NAA16: variants seen among roughly 807,000 people sequenced by gnomAD.
NAA16 encodes NARG1-like protein.
NAA16 carries 97 observed loss-of-function variants against 110.3 expected under a neutral mutation model. The ratio of observed to expected loss-of-function variants is 0.88; its 90% CI spans 0.75 to 1.04. The LOEUF is 1.04. Ranked by LOEUF, NAA16 falls within the 50% of genes least tolerant of loss-of-function variation. The probability of loss-of-function intolerance (pLI) is 0.00; values close to 1 mark genes in which losing one functional copy is unlikely to be tolerated. For missense variants in NAA16, 1,017 were observed against 1,005.1 expected, an observed-to-expected ratio of 1.01 and a Z score of -0.16; for synonymous variants, 372 against 330.6, an observed-to-expected ratio of 1.13 and a Z score of -1.36.
chr13:41,351,951 G>A (rs1345440559), intron 9 of NAA16, among the ~76,000 whole-genome samples: 1 of 152,182 alleles, frequency 6.6e-6, no homozygotes, highest in African/African-American at 2.4e-5. Flanking sequence ...TAAATGGTAA[G>A]TAAACTTGAG....
At chr13:41,362,547 C>A (rs551510204) in intron 13 of NAA16, 4 of 444,916 alleles carry the variant, frequency 9.0e-6, no homozygotes, top group Non-Finnish European at 7.8e-6. Context: ...GTCAGCCTCT[C>A]TCCAGTTTGT....
chr13:41,372,022 G>A (rs2043329891), intron 15 of NAA16, among the ~76,000 whole-genome samples, 181 bp from the exon 16 acceptor site: 1 of 152,098 alleles, frequency 6.6e-6, no homozygotes, highest in Non-Finnish European at 1.5e-5. Context: ...TTTCTGTTTT[G>A]AAAAGTATTG....
rs530072657 is a variant in NAA16, at chr13:41,337,927, C to T, written c.1014+1171C>T. On this transcript the variant is annotated intron_variant, in intron 9 of 19. Transcript: ENST00000379406. ...AAGAAACAACTGATGATATCTAGTA[C>T]CCAGTTAGAAAAAAACATCATTTAT... is the stretch of plus-strand genomic sequence containing the variant. Among the ~76,000 whole-genome samples the T allele has an allele frequency of 3.4e-5, 3 of 87,286 alleles. No individual in the cohort carries two copies. The East Asian group carries it at 8.3e-4, about 24-fold the overall frequency. 57.3% of individuals were successfully genotyped at this position (87,286 alleles called of 152,430 possible).
chr13:41,357,094 A>G (rs2043006534), intron 10 of NAA16, among the ~76,000 whole-genome samples: 1 of 152,214 alleles, frequency 6.6e-6, no homozygotes, highest in African/African-American at 2.4e-5. Flanking sequence ...GCTGAGGCAG[A>G]AAGATCTCTT....
Position 41,326,724 on chromosome 13 carries a change from A to G in NAA16, c.691+873A>G, listed in dbSNP as rs755286702. On this transcript the variant is annotated intron_variant, in intron 6 of 19. Transcript: ENST00000379406. ...CAGAGCCCTTACTTTTTTCTAAAAA[A>G]TAGACATTTTCAGGACAGTTTTAGG... 2.0e-5 allele frequency among the ~76,000 whole-genome samples: 3 copies of G among 152,134 alleles called. No homozygotes were observed. The East Asian group carries it at 5.8e-4, about 29-fold the overall frequency.
At chr13:41,372,432 C>A in intron 16 of NAA16, 121 bp downstream of exon 16, 16 of 1,354,774 alleles carry the variant, frequency 1.2e-5, no homozygotes, top group Non-Finnish European at 1.5e-5. Context: ...TACAAAGGCT[C>A]TTTTCCTTGG....
chr13:41,340,133 A>G (rs1033215193), intron 9 of NAA16, among the ~76,000 whole-genome samples: 4 of 152,052 alleles, frequency 2.6e-5, no homozygotes, highest in Admixed American at 2.0e-4. Context: ...CTTATTATCC[A>G]TTATATAGGT....
intron 10 of NAA16, among the ~76,000 whole-genome samples, chr13:41,357,776 C>G (rs1341956160): frequency 1.3e-5 from 2 of 152,122 alleles, no homozygotes; most frequent in African/African-American, 4.8e-5. Flanking sequence ...TGTGTTTTTT[C>G]TACTTAGGTT....
At position 41,345,416 on chromosome 13, in the gene NAA16, A is replaced by G. The variant is rs976231496; in HGVS notation, c.1014+8660A>G. On this transcript the variant is annotated intron_variant, in intron 9 of 19. Coordinates refer to ENST00000379406, the MANE Select transcript of NAA16 (RefSeq NM_024561.5). ...GTAATTTCTTGAGGTTTTGCTTTGC[A>G]TTTCCTGATTACCGTTGGTATTATC... is the stretch of plus-strand genomic sequence containing the variant. Among the ~76,000 whole-genome samples the G allele has an allele frequency of 1.4e-4, 21 of 152,022 alleles. 1 individual carries two copies. Among genetic ancestry groups the G allele is most frequent in the Non-Finnish European group, 5.9e-5 (4 of 67,970 alleles).
At chr13:41,331,215 A>ATT (rs1467911860) in intron 7 of NAA16, 59 bp from the exon 8 acceptor site, 2 of 1,010,428 alleles carry the variant, frequency 2.0e-6, no homozygotes, top group Non-Finnish European at 3.0e-6. Flanking sequence ...GTTTGTTAGC[A>ATT]TTTTACCATA....
At chr13:41,367,338 C>A in intron 13 of NAA16, 101 bp from the exon 14 acceptor site, 1 of 745,520 alleles carries the variant, frequency 1.3e-6, no homozygotes, top group Admixed American at 2.9e-5. Flanking sequence ...AAAATTGTGA[C>A]TGTTTAAATT....
At chr13:41,354,119 C>T (rs762286032) in intron 9 of NAA16, among the ~76,000 whole-genome samples, 2 of 152,136 alleles carry the variant, frequency 1.3e-5, no homozygotes, top group African/African-American at 2.4e-5. Flanking sequence ...TATAGTCCTA[C>T]CTTATTTCCA....
intron 14 of NAA16, among the ~76,000 whole-genome samples, chr13:41,368,855 A>C (rs1202355412): frequency 6.6e-6 from 1 of 152,190 alleles, no homozygotes; most frequent in Non-Finnish European, 1.5e-5. Context: ...AGGAAGGTGA[A>C]AGATTTAAAG....
intron 1 of NAA16, among the ~76,000 whole-genome samples, chr13:41,312,925 A>C (rs1174314409): frequency 6.6e-6 from 1 of 152,152 alleles, no homozygotes; most frequent in African/African-American, 2.4e-5. Flanking sequence ...TTTACTTCTC[A>C]TGCCCTTTTA....
chr13:41,361,083 TG>T (rs1234395469), intron 12 of NAA16, among the ~76,000 whole-genome samples: 7 of 152,184 alleles, frequency 4.6e-5, no homozygotes, highest in Admixed American at 1.3e-4. Context: ...CATCCTTTCC[TG>T]GGGTCATATA....
intron 9 of NAA16, chr13:41,354,488 T>C (rs1042648778): frequency 6.6e-6 from 1 of 152,208 alleles, no homozygotes; most frequent in Non-Finnish European, 1.5e-5. Context: ...AAGAGAAATA[T>C]AATTGTTTTT....
At position 41,311,594 on chromosome 13, in the gene NAA16, T is replaced by G. The variant is rs1236616806; in HGVS notation, c.54+12T>G. The G allele has an allele frequency of 6.2e-7, 1 of 1,601,914 alleles. No individual in the cohort carries two copies. The highest frequency in any genetic ancestry group is 1.7e-5 in the Admixed American group (1 of 58,538). On this transcript the variant is annotated intron_variant, in intron 1 of 19. Coordinates refer to ENST00000379406, the MANE Select transcript of NAA16 (RefSeq NM_024561.5). ...TCAAACGCATCTTGGTGAGTGGCCGTAGGCCGCGCTGCCGCCCCCCGGTCC... is the reference window on the plus strand; with the variant it reads ...TCAAACGCATCTTGGTGAGTGGCCGGAGGCCGCGCTGCCGCCCCCCGGTCC...
chr13:41,322,924 C>A, intron 4 of NAA16, 132 bp from the exon 5 acceptor site: 1 of 849,478 alleles, frequency 1.2e-6, no homozygotes, highest in South Asian at 1.5e-5. Flanking sequence ...ATAAAAAGTA[C>A]TTCTATTTTA....
intron 2 of NAA16, among the ~76,000 whole-genome samples, chr13:41,317,394 A>C (rs570892859): frequency 6.6e-6 from 1 of 151,912 alleles, no homozygotes; most frequent in Non-Finnish European, 1.5e-5. Flanking sequence ...TTACCATTAG[A>C]TTGTATATTT....
Sources: allele counts gnomAD v4.1 joint callset (sites outside exome capture counted in the v4.1 genomes callset), GRCh38; gene constraint gnomAD v4.1.1; transcripts MANE v1.5; gene names NCBI Gene and HGNC (gene_info 2026-07-23, HGNC 2026-07-21).